The following ZNF385C variants were observed in gnomAD, a reference collection of about 807,000 sequenced individuals.
ZNF385C encodes CTD-2132N18.2.
Under a neutral mutation model 35.4 loss-of-function variants are expected in ZNF385C, and 28 were observed. The observed-to-expected ratio is 0.79, with a 90% CI of 0.59 to 1.08. The LOEUF is 1.08. Among genes scored for constraint, ZNF385C ranks in the 50% least tolerant of loss-of-function variants. The probability of loss-of-function intolerance (pLI) is 0.00; values close to 1 mark genes in which losing one functional copy is unlikely to be tolerated. For synonymous variants in ZNF385C, 248 were observed against 248.2 expected (o/e 1.00, Z 0.01); for missense variants, 605 against 595.6 (o/e 1.02, Z -0.16).
chr17:42,054,750 T>A (rs950556677), intron 2 of ZNF385C, among the ~76,000 whole-genome samples: 4 of 151,848 alleles, frequency 2.6e-5, no homozygotes, highest in Non-Finnish European at 5.9e-5. Context: ...CCCAGCTAAT[T>A]TTTGTATTTT....
At chr17:42,071,991 G>A (rs1235011968) in intron 1 of ZNF385C, among the ~76,000 whole-genome samples, 8 of 152,146 alleles carry the variant, frequency 5.3e-5, no homozygotes, top group African/African-American at 1.9e-4. Context: ...CATGCCCCTT[G>A]CTGAAGCTGA....
chr17:42,096,832 CACAA>C (rs2053922293), intron 1 of ZNF385C, among the ~76,000 whole-genome samples: 1 of 151,832 alleles, frequency 6.6e-6, no homozygotes, highest in East Asian at 1.9e-4. Flanking sequence ...CAAAAGGCAA[CACAA>C]ACAAGGTGAC....
At chr17:42,037,711 C>G in intron 3 of ZNF385C, 26 bp downstream of exon 3, 1 of 1,491,632 alleles carries the variant, frequency 6.7e-7, no homozygotes, top group Non-Finnish European at 8.9e-7. Flanking sequence ...TGTGTGCATG[C>G]CCCCACCCGC....
At chr17:42,029,105 A>T (rs782414977) in intron 5 of ZNF385C, 32 bp from the exon 6 acceptor site, 1 of 1,534,886 alleles carries the variant, frequency 6.5e-7, no homozygotes, top group Non-Finnish European at 8.8e-7. Context: ...GTGAGACCCA[A>T]GATGACGCTG....
intron 1 of ZNF385C, among the ~76,000 whole-genome samples, chr17:42,064,067 CGCACAT>C (rs1484651380): frequency 7.5e-6 from 1 of 133,264 alleles, no homozygotes; most frequent in East Asian, 2.2e-4. Flanking sequence ...CGCGCGCACA[CGCACAT>C]ACACACACAC....
chr17:42,083,734 T>TG (rs1555659922), intron 1 of ZNF385C, among the ~76,000 whole-genome samples: 1 of 140,006 alleles, frequency 7.1e-6, no homozygotes, highest in Non-Finnish European at 1.5e-5. Flanking sequence ...TTTTTTTTTT[T>TG]TTGAGACAGA....
At chr17:42,085,300 A>G (rs2053794731) in intron 1 of ZNF385C, among the ~76,000 whole-genome samples, 1 of 151,964 alleles carries the variant, frequency 6.6e-6, no homozygotes, top group Non-Finnish European at 1.5e-5. Flanking sequence ...TTTGAGACAG[A>G]GTCTCACTCT....
intron 2 of ZNF385C, among the ~76,000 whole-genome samples, chr17:42,044,419 C>A (rs1340099399): frequency 2.6e-5 from 4 of 151,372 alleles, no homozygotes; most frequent in African/African-American, 9.7e-5. Flanking sequence ...GAGTCCGAGA[C>A]CAGCCTGACC....
chr17:42,083,574 A>AAAC (rs2053772159), intron 1 of ZNF385C, among the ~76,000 whole-genome samples: 1 of 152,014 alleles, frequency 6.6e-6, no homozygotes, highest in Admixed American at 6.6e-5. Flanking sequence ...CTGGCCCAAA[A>AAAC]AACAAAGATT....
chr17:42,083,252 GA>G (rs1323022751), intron 1 of ZNF385C, among the ~76,000 whole-genome samples: 1 of 151,204 alleles, frequency 6.6e-6, no homozygotes, highest in Non-Finnish European at 1.5e-5. Context: ...ACCCTGGCTG[GA>G]GTGCAGTGGC....
chr17:42,048,264 G>A (rs1555656814), intron 2 of ZNF385C, among the ~76,000 whole-genome samples: 1 of 151,780 alleles, frequency 6.6e-6, no homozygotes, highest in African/African-American at 2.4e-5. Context: ...TTGGCTGGAT[G>A]TGGTGGCTCA....
At chr17:42,040,971 G>A in intron 2 of ZNF385C, 2 of 1,232,276 alleles carry the variant, frequency 1.6e-6, no homozygotes, top group Non-Finnish European at 2.0e-6. Context: ...CCTGCAGGAT[G>A]TCCAAGAGCT....
rs377064454 is a variant in ZNF385C at position 42,074,016 on chromosome 17, A to G, written c.-2-10958T>C. ...CCCTGCTCTCCCCTCAGTCTGGAAC[A>G]TCCTCCCAACATTCACAGAGATACC... On this transcript the variant is annotated intron_variant, in intron 1 of 8. Transcript: ENST00000692273. Among the ~76,000 whole-genome samples the G allele has an allele frequency of 1.0e-3, 155 of 152,288 alleles. 1 individual carries two copies. Among genetic ancestry groups the G allele is most frequent in the African/African-American group, 3.3e-3 (137 of 41,554 alleles).
At chr17:42,093,585 A>ATT (rs34648348) in intron 1 of ZNF385C, among the ~76,000 whole-genome samples, 14,050 of 143,148 alleles carry the variant, frequency 0.098, 1,397 homozygotes, top group African/African-American at 0.25. Context: ...TATTTTATTT[A>ATT]TTTTTTTTTT....
intron 2 of ZNF385C, among the ~76,000 whole-genome samples, chr17:42,047,110 C>T (rs1277978532): frequency 6.7e-6 from 1 of 150,360 alleles, no homozygotes; most frequent in Non-Finnish European, 1.5e-5. Flanking sequence ...CGGCTCACTG[C>T]AAACCCCACC....
chr17:42,085,466 A>G (rs1369304531), intron 1 of ZNF385C, among the ~76,000 whole-genome samples: 1 of 134,044 alleles, frequency 7.5e-6, no homozygotes, highest in Admixed American at 7.7e-5. Flanking sequence ...TTGTATTTTT[A>G]GTAGAGACAG....
At chr17:42,071,518 C>T (rs1467062069) in intron 1 of ZNF385C, among the ~76,000 whole-genome samples, 2 of 152,196 alleles carry the variant, frequency 1.3e-5, no homozygotes, top group Non-Finnish European at 1.5e-5. Context: ...GACCCCTACC[C>T]TCAGGAAGGA....
At chr17:42,094,658 C>T (rs1272840466) in intron 1 of ZNF385C, among the ~76,000 whole-genome samples, 3 of 145,960 alleles carry the variant, frequency 2.1e-5, no homozygotes, top group Admixed American at 1.4e-4. Context: ...ACTCACAGGC[C>T]GAAGCAGAAA....
chr17:42,037,939 C>T, intron 2 of ZNF385C, 54 bp from the exon 3 acceptor site: 1 of 1,546,774 alleles, frequency 6.5e-7, no homozygotes, highest in Non-Finnish European at 8.7e-7. Context: ...ACCCCCGTGG[C>T]CAGAACAAGA....
Sources: allele counts gnomAD v4.1 joint callset (sites outside exome capture counted in the v4.1 genomes callset), GRCh38; gene constraint gnomAD v4.1.1; transcripts MANE v1.5; gene names NCBI Gene and HGNC (gene_info 2026-07-23, HGNC 2026-07-21).